The following POC1B variants were observed in gnomAD, a reference collection of about 807,000 sequenced individuals.
POC1B encodes POC1 centriolar protein homolog B.
A neutral mutation model predicts 60.6 loss-of-function variants in POC1B; 44 were observed. The ratio of observed to expected loss-of-function variants is 0.73; its 90% CI spans 0.57 to 0.93. The LOEUF (loss-of-function observed/expected upper bound fraction) is 0.93, where lower values mean the gene tolerates loss of function less well. Among genes scored for constraint, POC1B ranks in the 40% least tolerant of loss-of-function variants. The pLI is 0.00. For synonymous variants in POC1B, 180 were observed against 198.9 expected, an observed-to-expected ratio of 0.90 and a Z score of 0.80; for missense variants, 555 against 572.3, an observed-to-expected ratio of 0.97 and a Z score of 0.31.
At chr12:89,524,493 T>A in intron 2 of POC1B, 1 of 1,613,082 alleles carries the variant, frequency 6.2e-7, no homozygotes, top group Non-Finnish European at 8.5e-7. Flanking sequence ...TATAGGCCAC[T>A]GTTAAAAACG....
At chr12:89,444,508 A>T (rs1453002364) in intron 10 of POC1B, among the ~76,000 whole-genome samples, 1 of 152,226 alleles carries the variant, frequency 6.6e-6, no homozygotes, top group East Asian at 1.9e-4. Flanking sequence ...CAAAAACCAC[A>T]CAATTATCTC....
At chr12:89,517,524 T>C (rs1453439860) in intron 2 of POC1B, among the ~76,000 whole-genome samples, 1 of 151,978 alleles carries the variant, frequency 6.6e-6, no homozygotes, top group African/African-American at 2.4e-5. Flanking sequence ...TCCCAGCTAC[T>C]TGGGAGGCTG....
At chr12:89,425,477 CT>C in intron 10 of POC1B, 98 bp from the exon 11 acceptor site, 1 of 888,242 alleles carries the variant, frequency 1.1e-6, no homozygotes, top group Non-Finnish European at 1.6e-6. Flanking sequence ...AAAGCCCAGG[CT>C]TACATTGAAG....
At chr12:89,464,677 G>A (rs751755074) in intron 9 of POC1B, among the ~76,000 whole-genome samples, 1 of 150,968 alleles carries the variant, frequency 6.6e-6, no homozygotes, top group South Asian at 2.1e-4. Context: ...TAGTAGAGAC[G>A]GGATTTCACC....
Position 89,517,980 on chromosome 12 carries a change from C to A in POC1B, c.100+7140G>T, listed in dbSNP as rs142327716. Among the ~76,000 whole-genome samples the A allele has an allele frequency of 2.8e-4, 43 of 152,206 alleles. No individual in the cohort carries two copies. In the East Asian group the frequency reaches 8.3e-3, roughly 29 times the overall value. On this transcript the variant is annotated intron_variant, in intron 2 of 11. Transcript: ENST00000313546. ...GACACCCGAAGACACTGCTGGCCTG[C>A]AGTAGATATCACTCCCAGCCCAGCC...
At chr12:89,439,910 T>A (rs1418515151) in intron 10 of POC1B, among the ~76,000 whole-genome samples, 1 of 152,092 alleles carries the variant, frequency 6.6e-6, no homozygotes, top group Non-Finnish European at 1.5e-5. Context: ...CGGCCTTGAG[T>A]AGCAAGGTTT....
intron 2 of POC1B, chr12:89,524,344 G>A (rs756958147): frequency 6.8e-6 from 11 of 1,614,014 alleles, no homozygotes; most frequent in Non-Finnish European, 9.3e-6. Flanking sequence ...ACGGGAATCT[G>A]CAGGGGGCTT....
At chr12:89,407,298 T>G in the POC1B span, among the ~76,000 whole-genome samples, 1 of 151,738 alleles carries the variant, frequency 6.6e-6, no homozygotes, top group Non-Finnish European at 1.5e-5. Context: ...AGTGGCACCA[T>G]CTTGGCTCAC....
chr12:89,510,907 A>G (rs1227973207), intron 2 of POC1B, among the ~76,000 whole-genome samples: 1 of 151,362 alleles, frequency 6.6e-6, no homozygotes, highest in Non-Finnish European at 1.5e-5. Context: ...ACAGGTGCCC[A>G]CCACACTGGC....
chr12:89,519,337 C>T (rs764310070), intron 2 of POC1B: 1 of 152,176 alleles, frequency 6.6e-6, no homozygotes, highest in African/African-American at 2.4e-5. Context: ...GAACTGCAAG[C>T]TGAACTTACT....
At chr12:89,465,912 C>T (rs1882666629) in intron 9 of POC1B, among the ~76,000 whole-genome samples, 1 of 152,190 alleles carries the variant, frequency 6.6e-6, no homozygotes, top group African/African-American at 2.4e-5. Context: ...CCTGAGATAA[C>T]AGCAAAGACC....
At chr12:89,482,221 T>C (rs978567565) in intron 4 of POC1B, among the ~76,000 whole-genome samples, 5 of 152,114 alleles carry the variant, frequency 3.3e-5, no homozygotes, top group African/African-American at 1.2e-4. Flanking sequence ...TGGATACAGT[T>C]AATTGGATCC....
At position 89,501,078 on chromosome 12, in the gene POC1B, G is replaced by A. The variant is rs78921870; in HGVS notation, c.101-3736C>T. The A allele has an allele frequency of 2.6e-4, 297 of 1,140,068 alleles. 1 individual carries two copies. In the African/African-American group the frequency reaches 4.2e-3, roughly 16 times the overall value. 70.6% of individuals were successfully genotyped at this position (1,140,068 alleles called of 1,614,324 possible). A position where few individuals can be genotyped will look rare whatever the true frequency, so the allele number is the denominator to read the frequency against. ...GGATTACTATACCAAGAAAGGCGGG[G>A]CCTCTGAAACAACGCACCATATCCC... On this transcript the variant is annotated intron_variant, in intron 2 of 11. Transcript: ENST00000313546.
At chr12:89,524,572 CA>C in intron 2 of POC1B, 1 of 1,609,186 alleles carries the variant, frequency 6.2e-7, no homozygotes, top group South Asian at 1.1e-5. Context: ...GGCTGAGGCG[CA>C]GACGCGGCCA....
chr12:89,508,516 T>G (rs1870015755), intron 2 of POC1B, among the ~76,000 whole-genome samples: 1 of 152,242 alleles, frequency 6.6e-6, no homozygotes, highest in South Asian at 2.1e-4. Context: ...GCACATGATG[T>G]CTCTTTGTCC....
chr12:89,432,383 TAAAAAAAAAAAAAAAA>T (rs57839375), intron 10 of POC1B, among the ~76,000 whole-genome samples: 1 of 32,048 alleles, frequency 3.1e-5, no homozygotes, highest in Non-Finnish European at 5.2e-5. Flanking sequence ...CTCTGTTTCT[TAAAAAAAAAAAAAAAA>T]AAAAAAAAAA....
In POC1B at chr12:89,491,923, T is replaced by G. The variant is rs769469652; in HGVS notation, c.452+13A>C. 4.7e-6 allele frequency: 7 copies of G among 1,475,376 alleles called. No homozygotes were observed. The highest frequency in any genetic ancestry group is 5.4e-6 in the Non-Finnish European group (6 of 1,110,200). The allele number at this position is 1,475,376 out of a possible 1,614,324, so 91.4% of individuals were successfully genotyped here. ...ATATGTGGACATCTTAATATGAAAT[T>G]TTTTGCACTTACTTGGCACAGCGTA... On this transcript the variant is annotated intron_variant, in intron 4 of 11. Transcript: ENST00000313546.
intron 10 of POC1B, among the ~76,000 whole-genome samples, chr12:89,456,072 G>A (rs1223661288): frequency 6.6e-6 from 1 of 152,070 alleles, no homozygotes; most frequent in Non-Finnish European, 1.5e-5. Context: ...CCAGGCTGGA[G>A]TGCAGTAGCA....
At chr12:89,478,093 T>G (rs1883186508) in intron 4 of POC1B, among the ~76,000 whole-genome samples, 5 of 146,452 alleles carry the variant, frequency 3.4e-5, no homozygotes, top group South Asian at 2.1e-4. Context: ...ATTCATTCAT[T>G]CATTCATTCA....
Sources: gnomAD v4.1 joint callset for allele counts (sites outside exome capture counted in the v4.1 genomes callset) on GRCh38, gnomAD v4.1.1 for gene constraint, MANE v1.5 for transcripts, NCBI Gene and HGNC (gene_info 2026-07-23, HGNC 2026-07-21) for gene names.